The following TTLL11 variants were observed in gnomAD, a reference collection of about 807,000 sequenced individuals.
TTLL11 encodes the protein tubulin tyrosine ligase like 11.
TTLL11 carries 42 observed loss-of-function variants against 51.7 expected under a neutral mutation model. The observed-to-expected ratio is 0.81, with a 90% CI of 0.64 to 1.05. The LOEUF is 1.05. Among genes scored for constraint, TTLL11 ranks in the 50% least tolerant of loss-of-function variants. The pLI is 0.00. For synonymous variants in TTLL11, 381 were observed against 383.5 expected (o/e 0.99, Z 0.08); for missense variants, 799 against 940.4 (o/e 0.85, Z 1.97).
At chr9:121,889,143 C>T (rs1200797029) in intron 6 of TTLL11, among the ~76,000 whole-genome samples, 3 of 152,066 alleles carry the variant, frequency 2.0e-5, no homozygotes, top group Non-Finnish European at 4.4e-5. Flanking sequence ...TCACAACAAC[C>T]CTATGAGGTA....
intron 8 of TTLL11, among the ~76,000 whole-genome samples, chr9:121,840,449 A>G (rs9886840): frequency 0.56 from 84,820 of 152,044 alleles, 24,025 homozygotes; most frequent in East Asian, 0.74. Flanking sequence ...TGGAGGGAGT[A>G]TAGTGGCTTG....
chr9:121,924,789 A>G (rs1840664850), intron 6 of TTLL11, among the ~76,000 whole-genome samples: 1 of 151,176 alleles, frequency 6.6e-6, no homozygotes, highest in Non-Finnish European at 1.5e-5. Context: ...AACCTGAGCA[A>G]AAATCGTCAA....
chr9:121,974,609 T>A (rs1280562423), intron 5 of TTLL11, among the ~76,000 whole-genome samples: 1 of 152,230 alleles, frequency 6.6e-6, no homozygotes, highest in Non-Finnish European at 1.5e-5. Flanking sequence ...GGCTAATTAG[T>A]TCATGTCAAA....
At chr9:121,918,264 G>A (rs1055746628) in intron 6 of TTLL11, among the ~76,000 whole-genome samples, 9 of 152,178 alleles carry the variant, frequency 5.9e-5, no homozygotes, top group Non-Finnish European at 4.4e-5. Context: ...GAGGCCTAAC[G>A]GAGAGGCTGC....
Position 122,093,131 on chromosome 9 carries a change from G to A in TTLL11, c.18C>T (p.Ser6=). Residue 6 remains serine (S), a synonymous_variant, in exon 1 of 9, where the codon TCC becomes TCT. Transcript: ENST00000321582. MRRGS[S]ESELAARWEA... ...CCCACCGGGCCGCCAGCTCGCTCTCGGAGCTGCCCCGCCGCATGGTGCTCA... is the reference window on the plus strand; with the variant it reads ...CCCACCGGGCCGCCAGCTCGCTCTCAGAGCTGCCCCGCCGCATGGTGCTCA... 6.7e-7 allele frequency: 1 copy of A among 1,490,236 alleles called. No individual in the cohort carries two copies. The highest frequency in any genetic ancestry group is 2.2e-5 in the Admixed American group (1 of 46,146). 92.3% of individuals were successfully genotyped at this position (1,490,236 alleles called of 1,614,324 possible). A position where few individuals can be genotyped will look rare whatever the true frequency, so the allele number is the denominator to read the frequency against.
At chr9:121,966,671 G>A (rs761874748) in intron 6 of TTLL11, among the ~76,000 whole-genome samples, 3 of 152,136 alleles carry the variant, frequency 2.0e-5, no homozygotes, top group Non-Finnish European at 4.4e-5. Flanking sequence ...GTTAAGCTTT[G>A]AATGTGAAAT....
intron 8 of TTLL11, among the ~76,000 whole-genome samples, chr9:121,827,520 C>T (rs762920995): frequency 8.5e-5 from 13 of 152,224 alleles, no homozygotes; most frequent in East Asian, 1.9e-4. Context: ...AGAAACTGAA[C>T]GCAAAATCAA....
At chr9:122,016,215 A>C (rs1483271827) in intron 3 of TTLL11, among the ~76,000 whole-genome samples, 1 of 152,190 alleles carries the variant, frequency 6.6e-6, no homozygotes, top group Non-Finnish European at 1.5e-5. Flanking sequence ...TGCTCCAGGC[A>C]AAAAGAAGGG....
chr9:121,979,390 T>G (rs1842781246), intron 4 of TTLL11, among the ~76,000 whole-genome samples: 1 of 152,240 alleles, frequency 6.6e-6, no homozygotes, highest in African/African-American at 2.4e-5. Flanking sequence ...TACTGCGAGA[T>G]AGTGGGTATT....
chr9:121,930,836 C>A (rs1334127079), intron 6 of TTLL11, among the ~76,000 whole-genome samples: 1 of 152,190 alleles, frequency 6.6e-6, no homozygotes, highest in South Asian at 2.1e-4. Flanking sequence ...AATTTCCTCG[C>A]GCTGAGTTTG....
chr9:121,829,410 A>C (rs1836926674), intron 8 of TTLL11, among the ~76,000 whole-genome samples: 1 of 152,206 alleles, frequency 6.6e-6, no homozygotes, highest in Non-Finnish European at 1.5e-5. Context: ...CAAGTAAACT[A>C]ACAAAAGTAT....
At chr9:122,069,635 C>T (rs113322647) in intron 1 of TTLL11, among the ~76,000 whole-genome samples, 4 of 152,016 alleles carry the variant, frequency 2.6e-5, no homozygotes, top group Admixed American at 1.3e-4. Context: ...TGAGTGGGAT[C>T]GCGCCATTGC....
At chr9:122,042,138 C>T (rs1844862466) in intron 1 of TTLL11, among the ~76,000 whole-genome samples, 1 of 152,260 alleles carries the variant, frequency 6.6e-6, no homozygotes, top group African/African-American at 2.4e-5. Context: ...CCTCAGCCCC[C>T]CGAGTGGCTG....
chr9:121,899,085 T>A (rs1588109294), intron 6 of TTLL11, among the ~76,000 whole-genome samples: 1 of 151,718 alleles, frequency 6.6e-6, no homozygotes, highest in East Asian at 2.0e-4. Context: ...TTACATCACC[T>A]CCTCCCTGGG....
At position 121,822,966 on chromosome 9, in the gene TTLL11, G is replaced by T; in HGVS notation, c.1841-87C>A. 1 of 1,390,034 alleles carries T rather than the reference G, an allele frequency of 7.2e-7. No individual in the cohort carries two copies. 86.1% of individuals were successfully genotyped at this position (1,390,034 alleles called of 1,614,324 possible). ...CCCACCTCCAGCCACAAGGATGTCA[G>T]CAAGAGCTAGCCCCGCTCCCCACCA... is the stretch of plus-strand genomic sequence containing the variant. On this transcript the variant is annotated intron_variant, in intron 8 of 8. Transcript: ENST00000321582. The surrounding 1 kb of genome is among the most constrained non-coding windows in gnomAD (Gnocchi z 5.8).
chr9:122,009,773 A>C (rs1290778928), intron 3 of TTLL11, among the ~76,000 whole-genome samples: 1 of 151,984 alleles, frequency 6.6e-6, no homozygotes, highest in Non-Finnish European at 1.5e-5. Flanking sequence ...AAACTATAGA[A>C]TAATAGAGAT....
chr9:121,993,494 G>A (rs1843170111), intron 3 of TTLL11, among the ~76,000 whole-genome samples: 1 of 152,228 alleles, frequency 6.6e-6, no homozygotes, highest in African/African-American at 2.4e-5. Context: ...AAAGGGGTCA[G>A]ACTAAGGTCC....
At chr9:122,090,591 T>A (rs1239766100) in intron 1 of TTLL11, among the ~76,000 whole-genome samples, 3 of 152,174 alleles carry the variant, frequency 2.0e-5, no homozygotes, top group African/African-American at 7.2e-5. Flanking sequence ...GCCCCTCCTC[T>A]ACCTCCCGCA....
chr9:121,967,655 G>A (rs537053122), intron 6 of TTLL11, among the ~76,000 whole-genome samples: 7 of 152,218 alleles, frequency 4.6e-5, no homozygotes, highest in Non-Finnish European at 7.4e-5. Flanking sequence ...AGATCCCCTC[G>A]CTTCAAAGGA....
Sources: gnomAD v4.1 joint callset for allele counts (sites outside exome capture counted in the v4.1 genomes callset) on GRCh38, gnomAD v4.1.1 for gene constraint, Gnocchi (gnomAD v3.1) non-coding constraint, MANE v1.5 for transcripts, NCBI Gene and HGNC (gene_info 2026-07-23, HGNC 2026-07-21) for gene names.